CALCRL: variants seen among roughly 807,000 people sequenced by gnomAD.
CALCRL encodes the protein calcitonin receptor like receptor, also known as calcitonin gene-related peptide type 1 receptor.
CALCRL carries 27 observed loss-of-function variants against 60.4 expected under a neutral mutation model. The ratio of observed to expected loss-of-function variants is 0.45; its 90% CI spans 0.33 to 0.62. CALCRL has a LOEUF of 0.62. CALCRL is among the 20% of genes least tolerant of loss of function. The pLI, the probability that CALCRL is intolerant of heterozygous loss-of-function variation, is 0.03. For synonymous variants in CALCRL, 190 were observed against 182.6 expected, an observed-to-expected ratio of 1.04 and a Z score of -0.33; for missense variants, 424 against 540.7, an observed-to-expected ratio of 0.78 and a Z score of 2.14.
chr2:187,362,659 T>C (rs1057216313), intron 9 of CALCRL, among the ~76,000 whole-genome samples: 5 of 152,118 alleles, frequency 3.3e-5, no homozygotes, highest in Admixed American at 1.3e-4. Context: ...TATGTTTATG[T>C]ATGCAGATAT....
intron 1 of CALCRL, among the ~76,000 whole-genome samples, chr2:187,433,488 A>G (rs570311139): frequency 8.0e-4 from 122 of 152,198 alleles, no homozygotes; most frequent in African/African-American, 2.6e-3. Context: ...GTGGTATTAA[A>G]TTATGTACTA....
At position 187,393,819 on chromosome 2, in the gene CALCRL, G is replaced by C. The variant is rs1574268867; in HGVS notation, c.-292-6063C>G. 3.3e-5 allele frequency among the ~76,000 whole-genome samples: 5 copies of C among 152,048 alleles called. No homozygotes were observed. The South Asian group carries it at 1.0e-3, about 32-fold the overall frequency. Reference sequence around the variant, plus strand: ...TTTCTGATTCAGGTCATCTTGCTTGGGGACCAGGAACAAGCATTTTTTCAA... The same window carrying C: ...TTTCTGATTCAGGTCATCTTGCTTGCGGACCAGGAACAAGCATTTTTTCAA... On this transcript the variant is annotated intron_variant, in intron 1 of 14. Transcript: ENST00000392370.
intron 1 of CALCRL, among the ~76,000 whole-genome samples, chr2:187,444,573 A>G (rs2105915659): frequency 6.6e-6 from 1 of 151,710 alleles, no homozygotes; most frequent in East Asian, 1.9e-4. Context: ...CTCTTAAGTA[A>G]ACAAACTAAT....
intron 8 of CALCRL, among the ~76,000 whole-genome samples, chr2:187,373,896 C>T (rs1687636458): frequency 6.6e-6 from 1 of 152,178 alleles, no homozygotes; most frequent in African/African-American, 2.4e-5. Flanking sequence ...CACAGTGGCT[C>T]ATGCTTGTAA....
intron 1 of CALCRL, among the ~76,000 whole-genome samples, chr2:187,410,828 A>T (rs1689325163): frequency 6.6e-6 from 1 of 151,782 alleles, no homozygotes; most frequent in Non-Finnish European, 1.5e-5. Context: ...GTACTTTGGG[A>T]TGAGAGCATG....
At chr2:187,355,505 G>A (rs1686730482) in intron 12 of CALCRL, among the ~76,000 whole-genome samples, 1 of 152,068 alleles carries the variant, frequency 6.6e-6, no homozygotes, top group African/African-American at 2.4e-5. Context: ...TTTGAACAGT[G>A]ATCCAACGCA....
Position 187,355,248 on chromosome 2 carries a change from A to G in CALCRL, c.910-2916T>C, listed in dbSNP as rs191204294. 2.6e-4 allele frequency among the ~76,000 whole-genome samples: 40 copies of G among 152,212 alleles called. No homozygotes were observed. The East Asian group carries it at 7.0e-3, about 27-fold the overall frequency. On this transcript the variant is annotated intron_variant, in intron 12 of 14. Coordinates refer to ENST00000392370, the MANE Select transcript of CALCRL (RefSeq NM_005795.6). ...ACTTGCTCTGAGATGATACACAGGC[A>G]GCTGTGGTAGAGCCAGGATTCAGTG...
Position 187,346,185 on chromosome 2 carries a change from C to G in CALCRL, c.1385G>C (p.Ter462SerextTer2). 1 of 1,573,180 alleles carries G rather than the reference C, an allele frequency of 6.4e-7. No individual in the cohort carries two copies. The highest frequency in any genetic ancestry group is 8.7e-7 in the Non-Finnish European group (1 of 1,148,316). The change falls in exon 15 of 15, where the codon TGA becomes TCA. Residue 462 changes from the stop codon to serine, a stop_lost. Transcript: ENST00000392370. Reference protein sequence around the residue: ...VLLKPENLYN* With the variant: ...VLLKPENLYNS ...AGTGAGACAACCATCCTTCTATTTTCAATTATATAAATTTTCTGGTTTTAA... is the reference window on the plus strand; with the variant it reads ...AGTGAGACAACCATCCTTCTATTTTGAATTATATAAATTTTCTGGTTTTAA...
chr2:187,384,830 G>C (rs1166618830), intron 4 of CALCRL, among the ~76,000 whole-genome samples: 1 of 152,086 alleles, frequency 6.6e-6, no homozygotes, highest in African/African-American at 2.4e-5. Context: ...TTTATAATGA[G>C]ATAAGAGCAC....
At chr2:187,435,865 C>T (rs62172377) in intron 1 of CALCRL, among the ~76,000 whole-genome samples, 297 of 148,426 alleles carry the variant, frequency 2.0e-3, no homozygotes, top group Middle Eastern at 6.9e-3. Context: ...TGTGTTTGTG[C>T]GTGCGTGTGT....
chr2:187,414,874 T>A (rs1320848208), intron 1 of CALCRL, among the ~76,000 whole-genome samples: 1 of 27,656 alleles, frequency 3.6e-5, no homozygotes, highest in Non-Finnish European at 6.4e-5. Flanking sequence ...CACCAGAAAA[T>A]TATTTTTTTT....
chr2:187,443,081 C>T (rs1034103788), intron 1 of CALCRL, among the ~76,000 whole-genome samples: 5 of 151,680 alleles, frequency 3.3e-5, no homozygotes, highest in Non-Finnish European at 5.9e-5. Context: ...TTAAAGTGCT[C>T]AAGTTCTATG....
chr2:187,353,627 C>T (rs1279601315), intron 12 of CALCRL, among the ~76,000 whole-genome samples: 2 of 151,786 alleles, frequency 1.3e-5, no homozygotes, highest in African/African-American at 4.8e-5. Context: ...CACAGAAATA[C>T]GATAAAGGCA....
At chr2:187,422,911 C>A (rs921237528) in intron 1 of CALCRL, among the ~76,000 whole-genome samples, 6 of 151,800 alleles carry the variant, frequency 4.0e-5, no homozygotes, top group Admixed American at 1.3e-4. Flanking sequence ...ATAAAAGGAT[C>A]TTTGTAATCC....
In CALCRL at chr2:187,378,804, C is replaced by T. The variant is rs146393189; in HGVS notation, c.500+136G>A. On this transcript the variant is annotated intron_variant, in intron 8 of 14. Transcript: ENST00000392370. ...ACATATTTTACAAAGCTAAGATCAA[C>T]TTATTTCAACTTATTTTAAACATTA... 352 of 542,548 alleles carry T rather than the reference C, an allele frequency of 6.5e-4. 1 individual carries two copies. Among genetic ancestry groups the T allele is most frequent in the Admixed American group, 2.4e-3 (81 of 33,072 alleles). The allele number at this position is 542,548 out of a possible 1,614,324, so 33.6% of individuals were successfully genotyped here.
chr2:187,354,976 T>C lies in CALCRL; in HGVS notation c.910-2644A>G, dbSNP rs182968837. On this transcript the variant is annotated intron_variant, in intron 12 of 14. Transcript: ENST00000392370. ...TCTCCTGGGTAGCCCAAACGATATATTATAATTTCTTCAAGCTCTCCTCAG... is the reference window on the plus strand; with the variant it reads ...TCTCCTGGGTAGCCCAAACGATATACTATAATTTCTTCAAGCTCTCCTCAG... Among the ~76,000 whole-genome samples the C allele has an allele frequency of 2.5e-3, 381 of 152,096 alleles. 1 individual carries two copies. Among genetic ancestry groups the C allele is most frequent in the Non-Finnish European group, 4.2e-3 (286 of 67,956 alleles).
At chr2:187,357,741 C>T (rs568131478) in intron 12 of CALCRL, among the ~76,000 whole-genome samples, 63 of 151,020 alleles carry the variant, frequency 4.2e-4, no homozygotes, top group African/African-American at 1.5e-3. Flanking sequence ...CACATGTATA[C>T]ATATGTAACT....
chr2:187,405,298 T>C (rs1274083218), intron 1 of CALCRL, among the ~76,000 whole-genome samples: 4 of 151,998 alleles, frequency 2.6e-5, no homozygotes, highest in Non-Finnish European at 2.9e-5. Context: ...TTCCCAGCTT[T>C]CTGTAAAGGA....
intron 8 of CALCRL, among the ~76,000 whole-genome samples, chr2:187,377,848 G>A (rs1429417418): frequency 6.6e-6 from 1 of 151,930 alleles, no homozygotes; most frequent in Non-Finnish European, 1.5e-5. Context: ...TATAAAAATA[G>A]TTAAAATATT....
Sources: gnomAD v4.1 joint callset for allele counts (sites outside exome capture counted in the v4.1 genomes callset) on GRCh38, gnomAD v4.1.1 for gene constraint, MANE v1.5 for transcripts, NCBI Gene and HGNC (gene_info 2026-07-23, HGNC 2026-07-21) for gene names.